FAM120C: variants seen among roughly 807,000 people sequenced by gnomAD.
FAM120C encodes family with sequence similarity 120 member C.
FAM120C carries 14 observed loss-of-function variants against 71.2 expected under a neutral mutation model. The ratio of observed to expected loss-of-function variants is 0.20; its 90% confidence interval spans 0.13 to 0.31. The LOEUF (loss-of-function observed/expected upper bound fraction) is 0.31, where lower values mean the gene tolerates loss of function less well. FAM120C is among the 10% of genes least tolerant of loss of function. The pLI, the probability that FAM120C is intolerant of heterozygous loss-of-function variation, is 1.00. For missense variants in FAM120C, 500 were observed against 879.0 expected, an observed-to-expected ratio of 0.57 and a Z score of 5.45; for synonymous variants, 354 against 353.2, an observed-to-expected ratio of 1.00 and a Z score of -0.03.
chrX:54,090,552 C>T (rs1426608863), intron 11 of FAM120C, among the ~76,000 whole-genome samples: 1 of 110,416 alleles, frequency 9.1e-6, no homozygotes, highest in African/African-American at 3.3e-5. Context: ...CACCATGTGA[C>T]ACACTGGCTC....
chrX:54,130,961 A>G (rs1727978652), intron 9 of FAM120C, among the ~76,000 whole-genome samples: 1 of 111,067 alleles, frequency 9.0e-6, no homozygotes, highest in Admixed American at 9.6e-5. Flanking sequence ...GGAACTCACC[A>G]CTGCACCACT....
intron 4 of FAM120C, among the ~76,000 whole-genome samples, chrX:54,136,983 C>T (rs973172731): frequency 3.7e-5 from 4 of 109,187 alleles, no homozygotes; most frequent in Admixed American, 2.0e-4. Flanking sequence ...GACAGAGTCT[C>T]GCTCTGTCGC....
At chrX:54,144,736 C>T (rs1344408520) in intron 4 of FAM120C, among the ~76,000 whole-genome samples, 1 of 112,195 alleles carries the variant, frequency 8.9e-6, no homozygotes, top group African/African-American at 3.2e-5. Context: ...AATGGCCATA[C>T]TGCCCAAGGT....
chrX:54,107,482 T>C, intron 10 of FAM120C, among the ~76,000 whole-genome samples: 1 of 109,935 alleles, frequency 9.1e-6, no homozygotes, highest in Middle Eastern at 4.7e-3. Flanking sequence ...CAGGAACATG[T>C]TAGGCAGTAG....
At chrX:54,111,951 A>G (rs782105075) in intron 10 of FAM120C, among the ~76,000 whole-genome samples, 1 of 112,461 alleles carries the variant, frequency 8.9e-6, no homozygotes, top group East Asian at 2.8e-4. Context: ...GATCAATGGA[A>G]CAGAATAGAG....
intron 4 of FAM120C, among the ~76,000 whole-genome samples, chrX:54,145,408 A>G (rs1557132271): frequency 8.9e-6 from 1 of 111,850 alleles, no homozygotes. Flanking sequence ...AATTTTTACA[A>G]TCTACCCATC....
At chrX:54,079,782 A>G (rs1335122025) in intron 15 of FAM120C, among the ~76,000 whole-genome samples, 1 of 108,883 alleles carries the variant, frequency 9.2e-6, no homozygotes, top group Non-Finnish European at 1.9e-5. Context: ...GGGCAACAAG[A>G]GCGCAACTCC....
intron 10 of FAM120C, among the ~76,000 whole-genome samples, chrX:54,107,991 T>C (rs2066915752): frequency 9.8e-6 from 1 of 101,751 alleles, no homozygotes; most frequent in Admixed American, 1.2e-4. Context: ...AGGAAAGAGA[T>C]GCTCAGAAAG....
intron 10 of FAM120C, among the ~76,000 whole-genome samples, chrX:54,111,675 C>T (rs956624042): frequency 5.4e-5 from 6 of 111,589 alleles, no homozygotes; most frequent in African/African-American, 9.7e-5. Context: ...ACCCATAGAT[C>T]GGAAGAATCA....
chrX:54,131,508 G>A (rs1301229379), intron 9 of FAM120C, among the ~76,000 whole-genome samples: 1 of 107,815 alleles, frequency 9.3e-6, no homozygotes, highest in Non-Finnish European at 1.9e-5. Flanking sequence ...GCACGATCTC[G>A]GCTCACCGCA....
chrX:54,112,289 C>A (rs1557125855), intron 10 of FAM120C, among the ~76,000 whole-genome samples: 5 of 110,669 alleles, frequency 4.5e-5, no homozygotes, highest in Non-Finnish European at 9.4e-5. Context: ...GGGTAGTGCA[C>A]ACCTGTAATC....
intron 3 of FAM120C, among the ~76,000 whole-genome samples, chrX:54,155,562 T>C (rs1417623604): frequency 9.0e-6 from 1 of 111,583 alleles, no homozygotes; most frequent in Non-Finnish European, 1.9e-5. Context: ...GGGAAGGGAA[T>C]AGTAAGCAAC....
intron 13 of FAM120C, 127 bp downstream of exon 13, chrX:54,085,586 TAA>T (rs781820244): frequency 3.7e-3 from 1,988 of 534,788 alleles, no homozygotes; most frequent in Non-Finnish European, 4.4e-3. Flanking sequence ...AAACTCCGTC[TAA>T]AAAAAAAAAA....
chrX:54,142,168 C>T (rs1044492622), intron 4 of FAM120C, among the ~76,000 whole-genome samples: 5 of 111,996 alleles, frequency 4.5e-5, no homozygotes, highest in South Asian at 7.4e-4. Flanking sequence ...CCAGCGTGAG[C>T]GACACAAAAG....
chrX:54,153,863 G>A (rs1336009004), intron 3 of FAM120C, among the ~76,000 whole-genome samples: 1 of 109,188 alleles, frequency 9.2e-6, no homozygotes, highest in African/African-American at 3.3e-5. Context: ...ACCACGCCCG[G>A]CCTTTTAAAA....
At chrX:54,166,897 A>G (rs2067262300) in intron 1 of FAM120C, among the ~76,000 whole-genome samples, 1 of 111,341 alleles carries the variant, frequency 9.0e-6, no homozygotes, top group South Asian at 3.8e-4. Context: ...GAATTTTTGT[A>G]CCATGAATTA....
chrX:54,159,714 T>A, intron 1 of FAM120C, 98 bp from the exon 2 acceptor site: 1 of 952,759 alleles, frequency 1.0e-6, no homozygotes, highest in East Asian at 3.2e-5. Context: ...TTTGGTGAAA[T>A]TTGAAATTGT....
chrX:54,173,397 C>T (rs782209220), intron 1 of FAM120C, among the ~76,000 whole-genome samples: 3 of 111,646 alleles, frequency 2.7e-5, no homozygotes, highest in Non-Finnish European at 1.9e-5. Context: ...TACAGGCATG[C>T]GCCACCACGC....
At chrX:54,076,083 A>G (rs1234181385) in intron 15 of FAM120C, among the ~76,000 whole-genome samples, 1 of 110,334 alleles carries the variant, frequency 9.1e-6, no homozygotes, top group African/African-American at 3.3e-5. Flanking sequence ...ACTGCACTGC[A>G]GCCTGGGCAC....
Sources: gnomAD v4.1 joint callset for allele counts (sites outside exome capture counted in the v4.1 genomes callset) on GRCh38, gnomAD v4.1.1 for gene constraint, MANE v1.5 for transcripts, NCBI Gene and HGNC (gene_info 2026-07-23, HGNC 2026-07-21) for gene names.